KCNJ4: variants seen among roughly 807,000 people sequenced by gnomAD.
KCNJ4 encodes the protein potassium inwardly rectifying channel subfamily J member 4, also known as inward rectifier potassium channel 4.
Under a neutral mutation model 25.6 loss-of-function variants are expected in KCNJ4, and 3 were observed. That is an observed-to-expected ratio of 0.12 (90% CI 0.05 to 0.30). The LOEUF is 0.30. Ranked by LOEUF, KCNJ4 falls within the 10% of genes least tolerant of loss-of-function variation. The pLI, the probability that KCNJ4 is intolerant of heterozygous loss-of-function variation, is 1.00. For missense variants in KCNJ4, 286 were observed against 666.8 expected (o/e 0.43, Z 6.29); for synonymous variants, 257 against 283.9 (o/e 0.91, Z 0.95).
chr22:38,427,149 G>A lies in KCNJ4; in HGVS notation c.984C>T (p.His328=), dbSNP rs762924080. The change falls in exon 2 of 2, where the codon CAC becomes CAT. Residue 328 remains histidine, a synonymous_variant. Coordinates refer to ENST00000303592, the MANE Select transcript of KCNJ4 (RefSeq NM_152868.3). ...GAAAACGTGAGTAGTCCACCTTGTA[G>A]TGGCTCTTCTCCTCGAAGACCACAG... ...FEPVVFEEKS[H]YKVDYSRFHK... 6.2e-7 allele frequency: 1 copy of A among 1,613,176 alleles called. No individual in the cohort carries two copies. The highest frequency in any genetic ancestry group is 8.5e-7 in the Non-Finnish European group (1 of 1,180,014).
At chr22:38,447,630 GAAGCTTCACT>G (rs1447889093) in intron 1 of KCNJ4, among the ~76,000 whole-genome samples, 1 of 152,110 alleles carries the variant, frequency 6.6e-6, no homozygotes, top group Non-Finnish European at 1.5e-5. Flanking sequence ...GGGGTTGGGG[GAAGCTTCACT>G]GAGGTGTCCC....
At chr22:38,429,345 A>T (rs1198437575) in intron 1 of KCNJ4, among the ~76,000 whole-genome samples, 1 of 152,136 alleles carries the variant, frequency 6.6e-6, no homozygotes, top group Non-Finnish European at 1.5e-5. Context: ...TGGCTCAGAG[A>T]TGGAAAGCCA....
In KCNJ4 at chr22:38,427,094, A is replaced by G; in HGVS notation, c.1039T>C (p.Cys347Arg). ...HKTYEVAGTP[C>R]CSARELQESK... ...TCCTGCAGCTCCCGGGCCGAGCAGC[A>G]GGGCGTGCCGGCCACCTCGTAGGTC... is the stretch of plus-strand genomic sequence containing the variant. The change falls in exon 2 of 2, where the codon TGC becomes CGC. Residue 347 changes from cysteine (C) to arginine (R), a missense_variant. By Grantham distance (180) the Cys-to-Arg change is radical. Transcript: ENST00000303592. 1 of 1,612,898 alleles carries G rather than the reference A, an allele frequency of 6.2e-7. No homozygotes were observed. The highest frequency in any genetic ancestry group is 8.5e-7 in the Non-Finnish European group (1 of 1,179,964).
At position 38,427,893 on chromosome 22, in the gene KCNJ4, G is replaced by C; in HGVS notation, c.240C>G (p.Ile80Met). The change falls in exon 2 of 2, where the codon ATC (isoleucine) becomes ATG (methionine). Residue 80 changes from isoleucine (I) to methionine (M), a missense_variant. Around this residue, in one of 11 missense-constraint regions of KCNJ4, gnomAD observed 36 missense variants for 103.2 expected, o/e 0.35. Coordinates refer to ENST00000303592, the MANE Select transcript of KCNJ4 (RefSeq NM_152868.3). ...WLFFGLLFWCIAFFHGDLEAS... is the reference protein window; with the variant it reads ...WLFFGLLFWCMAFFHGDLEAS... ...CCTCCAGGTCACCGTGGAAGAAGGC[G>C]ATACACCAGAAGAGGAGGCCGAAAA... 6.2e-7 allele frequency: 1 copy of C among 1,612,332 alleles called. No homozygotes were observed. Among genetic ancestry groups the C allele is most frequent in the Non-Finnish European group, 8.5e-7 (1 of 1,178,930 alleles).
chr22:38,436,814 C>T (rs1285716748), intron 1 of KCNJ4, among the ~76,000 whole-genome samples: 1 of 152,208 alleles, frequency 6.6e-6, no homozygotes, highest in African/African-American at 2.4e-5. Context: ...AGAGGTTCAG[C>T]AACTTGCCCA....
At position 38,427,425 on chromosome 22, in the gene KCNJ4, G is replaced by T. The variant is rs1270378077; in HGVS notation, c.708C>A (p.Pro236=). The T allele has an allele frequency of 6.2e-7, 1 of 1,613,752 alleles. No individual in the cohort carries two copies. Among genetic ancestry groups the T allele is most frequent in the Non-Finnish European group, 8.5e-7 (1 of 1,179,922 alleles). ...CCACGTTGAGGTCCCGCTGGTCCAG[G>T]GGCAGGTACTCGCCCTCCTGGGTCA... ...PYMTQEGEYL[P]LDQRDLNVGY... is the part of the protein sequence containing the mutation. The change falls in exon 2 of 2, where the codon CCC becomes CCA. Residue 236 remains proline, a synonymous_variant. Transcript: ENST00000303592.
chr22:38,454,658 T>G (rs2089429017), intron 1 of KCNJ4, among the ~76,000 whole-genome samples: 1 of 152,046 alleles, frequency 6.6e-6, no homozygotes. Flanking sequence ...CTCCCCGGCA[T>G]GACAACTGGG....
chr22:38,427,604 G>A lies in KCNJ4; in HGVS notation c.529C>T (p.Arg177Trp). Residue 177 changes from arginine (R) to tryptophan (W), a missense_variant, in exon 2 of 2, where the codon CGG becomes TGG. Physicochemically the swap from Arg to Trp is moderately radical, Grantham distance 101. Transcript: ENST00000303592. Reference protein sequence around the residue: ...MIGTIMAKMARPKKRAQTLLF... With the variant: ...MIGTIMAKMAWPKKRAQTLLF... The stretch of plus-strand genomic sequence containing the variant: ...AACGTCTGCGCCCGCTTCTTGGGCC[G>A]CGCCATCTTGGCCATGATGGTGCCA... The A allele has an allele frequency of 6.2e-7, 1 of 1,612,280 alleles. No homozygotes were observed. Among genetic ancestry groups the A allele is most frequent in the East Asian group, 2.2e-5 (1 of 44,826 alleles).
chr22:38,438,581 CG>C (rs34188945), intron 1 of KCNJ4, among the ~76,000 whole-genome samples: 34,034 of 148,728 alleles, frequency 0.23, 5,207 homozygotes, highest in African/African-American at 0.44. Context: ...CCCAGCTACC[CG>C]GGAGGCTGAG....
chr22:38,427,079 C>T lies in KCNJ4; in HGVS notation c.1054G>A (p.Glu352Lys). The T allele has an allele frequency of 1.2e-6, 2 of 1,612,796 alleles. No homozygotes were observed. Among genetic ancestry groups the T allele is most frequent in the Non-Finnish European group, 1.7e-6 (2 of 1,179,934 alleles). The change falls in exon 2 of 2, where the codon GAG becomes AAG. Residue 352 changes from glutamate to lysine, a missense_variant. Transcript: ENST00000303592. ...VAGTPCCSAR[E>K]LQESKITVLP... ...ACGGTGATCTTACTCTCCTGCAGCT[C>T]CCGGGCCGAGCAGCAGGGCGTGCCG...
chr22:38,434,137 A>T (rs966656180), intron 1 of KCNJ4, among the ~76,000 whole-genome samples: 2 of 152,152 alleles, frequency 1.3e-5, no homozygotes, highest in African/African-American at 4.8e-5. Context: ...GCTCCTTTAG[A>T]CAGGAGCAGG....
chr22:38,449,348 T>C lies in KCNJ4; in HGVS notation c.-40+5632A>G, dbSNP rs2089396440. On this transcript the variant is annotated intron_variant, in intron 1 of 1. Coordinates refer to ENST00000303592, the MANE Select transcript of KCNJ4 (RefSeq NM_152868.3). The surrounding 1 kb of genome is among the most constrained non-coding windows in gnomAD (Gnocchi z 5.2). ...TTCTCTCTGAGCCTCAGTATTCTCA[T>C]CTGAGAAGTGGGGGTGATGGTTCTC... 6.6e-6 allele frequency among the ~76,000 whole-genome samples: 1 copy of C among 152,152 alleles called. No homozygotes were observed. The highest frequency in any genetic ancestry group is 2.1e-4 in the South Asian group (1 of 4,824).
At chr22:38,432,295 A>G (rs2093052540) in intron 1 of KCNJ4, among the ~76,000 whole-genome samples, 1 of 151,550 alleles carries the variant, frequency 6.6e-6, no homozygotes, top group Non-Finnish European at 1.5e-5. Context: ...AAAATAAAAT[A>G]AAATAAAATA....
intron 1 of KCNJ4, among the ~76,000 whole-genome samples, chr22:38,450,986 T>C (rs1465590766): frequency 5.9e-5 from 9 of 151,924 alleles, no homozygotes; most frequent in Non-Finnish European, 1.3e-4. Context: ...GCTGTCTTAC[T>C]GTGTGACCCT....
intron 1 of KCNJ4, among the ~76,000 whole-genome samples, chr22:38,440,807 T>A (rs1012394683): frequency 5.3e-5 from 8 of 151,650 alleles, no homozygotes; most frequent in Admixed American, 2.0e-4. Flanking sequence ...TGGAAGGGGG[T>A]TGTCGAGAGT....
intron 1 of KCNJ4, among the ~76,000 whole-genome samples, chr22:38,438,173 G>C (rs890469442): frequency 6.8e-6 from 1 of 147,408 alleles, no homozygotes; most frequent in Non-Finnish European, 1.5e-5. Flanking sequence ...TGGGAGGGGG[G>C]AGGTTGCAGT....
chr22:38,435,807 T>C (rs196072), intron 1 of KCNJ4, among the ~76,000 whole-genome samples: 13,418 of 152,130 alleles, frequency 0.088, 841 homozygotes, highest in African/African-American at 0.18. Flanking sequence ...TCTGGTTTGA[T>C]TGGAGGGGCT....
intron 1 of KCNJ4, among the ~76,000 whole-genome samples, chr22:38,433,441 C>T (rs1032879234): frequency 1.3e-5 from 2 of 152,038 alleles, no homozygotes; most frequent in Admixed American, 6.6e-5. Context: ...AGTGAAACTC[C>T]GTCTCAAAAA....
At chr22:38,429,068 A>G (rs2093041250) in intron 1 of KCNJ4, among the ~76,000 whole-genome samples, 4 of 144,158 alleles carry the variant, frequency 2.8e-5, no homozygotes, top group Admixed American at 2.1e-4. Context: ...TGGGTCACAG[A>G]GCAAGACCCC....
Sources: gnomAD v4.1 joint callset for allele counts (sites outside exome capture counted in the v4.1 genomes callset) on GRCh38, gnomAD v4.1.1 for gene constraint, gnomAD v4.1.1 regional missense constraint, Gnocchi (gnomAD v3.1) non-coding constraint, MANE v1.5 for transcripts, NCBI Gene and HGNC (gene_info 2026-07-23, HGNC 2026-07-21) for gene names.